CHODL: variants seen among roughly 807,000 people sequenced by gnomAD.
The protein encoded by CHODL is transmembrane protein MT75.
In CHODL, 29 loss-of-function variants were observed where a neutral mutation model predicts 34.5. The observed-to-expected ratio is 0.84, with a 90% CI of 0.63 to 1.15. The LOEUF (loss-of-function observed/expected upper bound fraction) is 1.15, where lower values mean the gene tolerates loss of function less well. CHODL is among the 50% of genes most tolerant of loss of function. The probability of loss-of-function intolerance (pLI) is 0.00; values close to 1 mark genes in which losing one functional copy is unlikely to be tolerated. For synonymous variants in CHODL, 125 were observed against 116.1 expected, an observed-to-expected ratio of 1.08 and a Z score of -0.49; for missense variants, 332 against 332.5, an observed-to-expected ratio of 1.00 and a Z score of 0.01.
intron 1 of CHODL, among the ~76,000 whole-genome samples, chr21:17,979,613 G>A (rs1017724078): frequency 2.1e-4 from 32 of 152,160 alleles, no homozygotes; most frequent in African/African-American, 7.0e-4. Context: ...AGTAAAGAGC[G>A]TTGGAAATTC....
intron 2 of CHODL, among the ~76,000 whole-genome samples, chr21:18,129,124 A>G (rs2072619745): frequency 6.6e-6 from 1 of 152,110 alleles, no homozygotes; most frequent in Non-Finnish European, 1.5e-5. Flanking sequence ...TGTAGCAATA[A>G]TTTCTATTAA....
At chr21:18,085,703 T>C (rs978313168) in intron 2 of CHODL, among the ~76,000 whole-genome samples, 5 of 152,218 alleles carry the variant, frequency 3.3e-5, no homozygotes, top group African/African-American at 9.6e-5. Flanking sequence ...GCCTGGAGGT[T>C]TTCTGCTAAA....
At chr21:18,098,611 C>G (rs2065170397) in intron 2 of CHODL, among the ~76,000 whole-genome samples, 2 of 152,028 alleles carry the variant, frequency 1.3e-5, no homozygotes. Flanking sequence ...AGAGAACCCT[C>G]ATATACTGTT....
At chr21:18,212,883 C>T (rs994150723) in intron 2 of CHODL, among the ~76,000 whole-genome samples, 3 of 152,106 alleles carry the variant, frequency 2.0e-5, no homozygotes, top group Admixed American at 2.0e-4. Context: ...CCATGCTTAT[C>T]TTAGCTGGAA....
At chr21:18,077,710 G>T (rs181705448) in intron 2 of CHODL, among the ~76,000 whole-genome samples, 147 of 152,252 alleles carry the variant, frequency 9.7e-4, no homozygotes, top group African/African-American at 3.2e-3. Flanking sequence ...TGTTTAGGAC[G>T]CAAACCCTCA....
rs111860951 is a variant in CHODL at position 17,933,663 on chromosome 21, C to T, written c.-145+16263C>T. Among the ~76,000 whole-genome samples, 10 of 134,496 alleles carry T rather than the reference C, an allele frequency of 7.4e-5. No homozygotes were observed. In the East Asian group the frequency reaches 9.7e-4, roughly 13 times the overall value. 88.2% of individuals were successfully genotyped at this position (134,496 alleles called of 152,430 possible). On this transcript the variant is annotated intron_variant, in intron 1 of 6. Transcript: ENST00000400127. ...TTTCTACACAGACACAGTAACAATCCGATCTCTCTTTCTTTTCCCCACAAA... is the reference window on the plus strand; with the variant it reads ...TTTCTACACAGACACAGTAACAATCTGATCTCTCTTTCTTTTCCCCACAAA...
chr21:18,257,463 G>A (rs967023814), intron 3 of CHODL, among the ~76,000 whole-genome samples: 2 of 152,070 alleles, frequency 1.3e-5, no homozygotes, highest in Admixed American at 6.6e-5. Flanking sequence ...TAATATGTGG[G>A]AAGTAGATGT....
chr21:18,173,443 T>C (rs919616315), intron 2 of CHODL, among the ~76,000 whole-genome samples: 23 of 152,242 alleles, frequency 1.5e-4, no homozygotes, highest in African/African-American at 5.5e-4. Flanking sequence ...TTTTAATTTA[T>C]ATTTTTGTAT....
At chr21:17,989,446 A>G (rs149168313) in intron 1 of CHODL, among the ~76,000 whole-genome samples, 34 of 152,298 alleles carry the variant, frequency 2.2e-4, no homozygotes, top group African/African-American at 8.2e-4. Context: ...CACATAGACT[A>G]TATTCATTTA....
At chr21:18,240,069 A>C (rs1213153441), upstream of CHODL, among the ~76,000 whole-genome samples, 1 of 152,084 alleles carries the variant, frequency 6.6e-6, no homozygotes, top group Non-Finnish European at 1.5e-5. Flanking sequence ...AACTTCTTTG[A>C]GTATGAAGCC....
intron 1 of CHODL, among the ~76,000 whole-genome samples, chr21:17,973,891 C>G (rs2063639801): frequency 6.6e-6 from 1 of 151,762 alleles, no homozygotes; most frequent in South Asian, 2.1e-4. Flanking sequence ...TCCTTCTCTT[C>G]CCCTTCCTCC....
At chr21:18,184,676 G>C (rs568436597) in intron 2 of CHODL, among the ~76,000 whole-genome samples, 24 of 152,290 alleles carry the variant, frequency 1.6e-4, no homozygotes, top group African/African-American at 5.5e-4. Context: ...CTTCTGTAAA[G>C]TTTGCAAGTC....
rs532319270 is a variant in CHODL at position 18,259,336 on chromosome 21, G to A, written c.548-864G>A. On this transcript the variant is annotated intron_variant, in intron 3 of 5. Transcript: ENST00000299295. The stretch of plus-strand genomic sequence containing the variant: ...AGAAAAATAGAAAATAGAGCAATAC[G>A]AAATCATGACAATAAACTTCAACAA... Among the ~76,000 whole-genome samples, 129 of 151,774 alleles carry A rather than the reference G, an allele frequency of 8.5e-4. 4 individuals carry two copies. The South Asian group carries it at 0.022, about 26-fold the overall frequency.
chr21:18,089,599 C>A (rs1203140073), intron 2 of CHODL, among the ~76,000 whole-genome samples: 1 of 152,112 alleles, frequency 6.6e-6, no homozygotes, highest in East Asian at 1.9e-4. Flanking sequence ...TTTTATTTTA[C>A]AACTTGAATT....
Position 18,171,362 on chromosome 21 carries a change from G to A in CHODL, c.-44-85147G>A, listed in dbSNP as rs527391010. Among the ~76,000 whole-genome samples, 96 of 148,302 alleles carry A rather than the reference G, an allele frequency of 6.5e-4. 1 individual carries two copies. The highest frequency in any genetic ancestry group is 6.3e-3 in the South Asian group (29 of 4,574). On this transcript the variant is annotated intron_variant, in intron 2 of 6. Coordinates refer to the CHODL transcript ENST00000400127. ...GCTGGGACTACAGGCGCCCGCCACCGCGCCCGGCTAATTTTTTGTATTTTT... is the reference window on the plus strand; with the variant it reads ...GCTGGGACTACAGGCGCCCGCCACCACGCCCGGCTAATTTTTTGTATTTTT...
chr21:17,987,526 G>C (rs1036494598), intron 1 of CHODL, among the ~76,000 whole-genome samples: 1 of 152,164 alleles, frequency 6.6e-6, no homozygotes, highest in African/African-American at 2.4e-5. Context: ...TTGAAGCTCA[G>C]TTTGAAGCAA....
chr21:18,067,018 C>T (rs1009796821), intron 2 of CHODL, among the ~76,000 whole-genome samples: 7 of 152,120 alleles, frequency 4.6e-5, no homozygotes, highest in South Asian at 2.1e-4. Flanking sequence ...ACCCAGTCTG[C>T]GGTATTTTGT....
At chr21:17,917,946 T>G (rs943197581) in intron 1 of CHODL, among the ~76,000 whole-genome samples, 2 of 151,730 alleles carry the variant, frequency 1.3e-5, no homozygotes, top group African/African-American at 4.8e-5. Flanking sequence ...AAGGAGGTGA[T>G]GAACAATTAG....
intron 1 of CHODL, among the ~76,000 whole-genome samples, chr21:17,966,537 A>T (rs190205854): frequency 4.4e-4 from 67 of 152,314 alleles, no homozygotes; most frequent in African/African-American, 1.5e-3. Flanking sequence ...AGGTCAACTT[A>T]ACTACAGGGA....
Sources: allele counts gnomAD v4.1 joint callset (sites outside exome capture counted in the v4.1 genomes callset), GRCh38; gene constraint gnomAD v4.1.1; transcripts MANE v1.5; gene names NCBI Gene and HGNC (gene_info 2026-07-23, HGNC 2026-07-21).